Variants in KIF16B observed in about 807,000 individuals in gnomAD.
The protein encoded by KIF16B is kinesin family member 16B.
KIF16B carries 98 observed loss-of-function variants against 156.3 expected under a neutral mutation model. The ratio of observed to expected loss-of-function variants is 0.63; its 90% CI spans 0.53 to 0.74. KIF16B has a LOEUF of 0.74. Among genes scored for constraint, KIF16B ranks in the 30% least tolerant of loss-of-function variants. The pLI, the probability that KIF16B is intolerant of heterozygous loss-of-function variation, is 0.00. For missense variants in KIF16B, 1,421 were observed against 1,606.5 expected, an observed-to-expected ratio of 0.88 and a Z score of 1.97; for synonymous variants, 564 against 583.7, an observed-to-expected ratio of 0.97 and a Z score of 0.49.
At chr20:16,394,636 C>T (rs182635934) in intron 17 of KIF16B, among the ~76,000 whole-genome samples, 26 of 152,190 alleles carry the variant, frequency 1.7e-4, no homozygotes, top group African/African-American at 6.0e-4. Context: ...CAGTAAATAA[C>T]CATCAACTAA....
intron 15 of KIF16B, among the ~76,000 whole-genome samples, chr20:16,424,909 G>A (rs1310282859): frequency 6.6e-6 from 1 of 152,120 alleles, no homozygotes; most frequent in Non-Finnish European, 1.5e-5. Flanking sequence ...ATTGGGTTGG[G>A]ATTAGAAGTA....
chr20:16,560,855 A>T (rs2071031509), intron 1 of KIF16B, among the ~76,000 whole-genome samples: 1 of 152,210 alleles, frequency 6.6e-6, no homozygotes, highest in South Asian at 2.1e-4. Flanking sequence ...TGACGGCATG[A>T]TGTCTCAGTG....
At chr20:16,479,427 G>A (rs979279368) in intron 12 of KIF16B, among the ~76,000 whole-genome samples, 2 of 152,004 alleles carry the variant, frequency 1.3e-5, no homozygotes, top group African/African-American at 4.8e-5. Flanking sequence ...TTAATACCTA[G>A]GTGATGGGTT....
chr20:16,409,070 T>C (rs1466368702), intron 15 of KIF16B, among the ~76,000 whole-genome samples: 2 of 152,054 alleles, frequency 1.3e-5, no homozygotes, highest in Non-Finnish European at 2.9e-5. Context: ...ATGAAATGAT[T>C]CCACAAATAA....
At chr20:16,437,017 G>C (rs1213028620) in intron 12 of KIF16B, among the ~76,000 whole-genome samples, 1 of 152,158 alleles carries the variant, frequency 6.6e-6, no homozygotes, top group Non-Finnish European at 1.5e-5. Flanking sequence ...CGTAGTACTT[G>C]CATATAACCT....
intron 3 of KIF16B, among the ~76,000 whole-genome samples, chr20:16,521,452 T>C (rs188330091): frequency 6.6e-6 from 1 of 151,646 alleles, no homozygotes; most frequent in Non-Finnish European, 1.5e-5. Context: ...AAATAAAGCA[T>C]GAAGACAAGA....
intron 12 of KIF16B, among the ~76,000 whole-genome samples, chr20:16,438,027 G>T (rs2066695458): frequency 3.3e-5 from 5 of 151,266 alleles, no homozygotes; most frequent in Admixed American, 2.6e-4. Flanking sequence ...TGCACCTGTA[G>T]TCCTAGCTAC....
At chr20:16,549,004 A>AT (rs1362596659) in intron 1 of KIF16B, among the ~76,000 whole-genome samples, 1 of 120,060 alleles carries the variant, frequency 8.3e-6, no homozygotes, top group Non-Finnish European at 1.8e-5. Context: ...TAAAATACTC[A>AT]TTTTCGGTTT....
chr20:16,340,423 C>G lies in KIF16B; in HGVS notation c.3622-4408G>C, dbSNP rs534375486. 3.3e-5 allele frequency among the ~76,000 whole-genome samples: 5 copies of G among 152,312 alleles called. No homozygotes were observed. The East Asian group carries it at 9.6e-4, about 29-fold the overall frequency. Reference sequence around the variant, plus strand: ...ATATCTTGTTTCTTGCCTCTCTTCCCCACTAGAATGTAAGCTCTAAGGAGA... The same window carrying G: ...ATATCTTGTTTCTTGCCTCTCTTCCGCACTAGAATGTAAGCTCTAAGGAGA... On this transcript the variant is annotated intron_variant, in intron 23 of 25. Transcript: ENST00000354981.
chr20:16,277,478 T>TATAA (rs1283196994), intron 25 of KIF16B, among the ~76,000 whole-genome samples: 8 of 145,798 alleles, frequency 5.5e-5, no homozygotes, highest in Middle Eastern at 7.1e-3. Context: ...TATATATATA[T>TATAA]AAAATATTTA....
chr20:16,453,829 A>G (rs972622169), intron 12 of KIF16B, among the ~76,000 whole-genome samples: 9 of 152,238 alleles, frequency 5.9e-5, no homozygotes, highest in African/African-American at 2.2e-4. Context: ...GGCTGTGGAA[A>G]AGCAAAATGG....
chr20:16,429,177 T>C (rs556579430), intron 13 of KIF16B, among the ~76,000 whole-genome samples, 173 bp from the exon 14 acceptor site: 1 of 152,242 alleles, frequency 6.6e-6, no homozygotes, highest in Non-Finnish European at 1.5e-5. Flanking sequence ...AAGCCCCAGT[T>C]GTCTGGAAAG....
chr20:16,485,473 G>A (rs1050897238), intron 12 of KIF16B, among the ~76,000 whole-genome samples: 1 of 152,200 alleles, frequency 6.6e-6, no homozygotes, highest in South Asian at 2.1e-4. Flanking sequence ...ATTTTTAAGA[G>A]ATTCGAAGAT....
chr20:16,326,019 G>C (rs1052948472), intron 24 of KIF16B, among the ~76,000 whole-genome samples: 1 of 152,034 alleles, frequency 6.6e-6, no homozygotes, highest in Non-Finnish European at 1.5e-5. Flanking sequence ...ACTGATCTTT[G>C]ACAAAGCAAA....
intron 12 of KIF16B, among the ~76,000 whole-genome samples, chr20:16,463,398 G>C (rs1488877591): frequency 6.6e-6 from 1 of 152,128 alleles, no homozygotes; most frequent in East Asian, 1.9e-4. Context: ...CCCTCTCAAA[G>C]TATCCTAGCA....
intron 15 of KIF16B, among the ~76,000 whole-genome samples, chr20:16,414,824 C>T (rs368911094): frequency 2.6e-5 from 4 of 152,152 alleles, no homozygotes; most frequent in East Asian, 1.9e-4. Flanking sequence ...CAACTTAAGA[C>T]GGTTCTACTT....
chr20:16,557,899 A>AG (rs2070909763), intron 1 of KIF16B, among the ~76,000 whole-genome samples: 1 of 152,236 alleles, frequency 6.6e-6, no homozygotes, highest in African/African-American at 2.4e-5. Flanking sequence ...CAAGGAGCAT[A>AG]ATCCAAGAAC....
At position 16,429,889 on chromosome 20, in the gene KIF16B, T is replaced by C. The variant is rs1568972438; in HGVS notation, c.1396A>G (p.Thr466Ala). The change falls in exon 13 of 26, where the codon ACT becomes GCT. Residue 466 changes from threonine to alanine, a missense_variant. Physicochemically the swap from Thr to Ala is moderately conservative, Grantham distance 58. Transcript: ENST00000354981. ...TTTAAATGATATAAGATGATTCCAG[T>C]ACTCAAAAGGTCATCATCGATGCCA... The part of the protein sequence containing the change: ...LIGIDDDLLS[T>A]GIILYHLKEG... 1.9e-6 allele frequency: 3 copies of C among 1,612,292 alleles called. No individual in the cohort carries two copies. The highest frequency in any genetic ancestry group is 1.7e-6 in the Non-Finnish European group (2 of 1,179,186).
intron 24 of KIF16B, among the ~76,000 whole-genome samples, chr20:16,322,511 C>T (rs1285161539): frequency 3.3e-5 from 5 of 151,900 alleles, no homozygotes; most frequent in African/African-American, 4.8e-5. Context: ...CGTTGAGTAT[C>T]ATCCATCTAG....
Sources: allele counts gnomAD v4.1 joint callset (sites outside exome capture counted in the v4.1 genomes callset), GRCh38; gene constraint gnomAD v4.1.1; transcripts MANE v1.5; gene names NCBI Gene and HGNC (gene_info 2026-07-23, HGNC 2026-07-21).